The following PEX7 variants were observed in gnomAD, a reference collection of about 807,000 sequenced individuals.
PEX7 encodes the protein PTS2 receptor.
In PEX7, 34 loss-of-function variants were observed where a neutral mutation model predicts 47.5. The ratio of observed to expected loss-of-function variants is 0.72; its 90% confidence interval spans 0.54 to 0.95. The LOEUF is 0.95. Among genes scored for constraint, PEX7 ranks in the 40% least tolerant of loss-of-function variants. PEX7 has a pLI of 0.00. For synonymous variants in PEX7, 141 were observed against 148.8 expected (o/e 0.95, Z 0.38); for missense variants, 394 against 400.3 (o/e 0.98, Z 0.13).
intron 5 of PEX7, among the ~76,000 whole-genome samples, chr6:136,861,079 T>C (rs1774953955): frequency 6.6e-6 from 1 of 152,318 alleles, no homozygotes; most frequent in South Asian, 2.1e-4. Context: ...TTGGTACTTT[T>C]AAATTTTTTT....
intron 9 of PEX7, among the ~76,000 whole-genome samples, chr6:136,904,548 A>G (rs1775808993): frequency 6.6e-6 from 1 of 151,690 alleles, no homozygotes. Context: ...TTATGGGGGC[A>G]GGTCTTTCCT....
At chr6:136,876,746 C>A (rs1431521275) in intron 8 of PEX7, among the ~76,000 whole-genome samples, 1 of 152,196 alleles carries the variant, frequency 6.6e-6, no homozygotes, top group Non-Finnish European at 1.5e-5. Context: ...CATTGATGGG[C>A]ATTTGGGTTG....
chr6:136,891,412 G>A (rs567555203), intron 8 of PEX7, among the ~76,000 whole-genome samples: 2 of 152,296 alleles, frequency 1.3e-5, no homozygotes, highest in Admixed American at 1.3e-4. Flanking sequence ...TAGTGATTGA[G>A]CATTCCAAGA....
At chr6:136,881,236 G>A (rs981524015) in intron 8 of PEX7, among the ~76,000 whole-genome samples, 1 of 152,200 alleles carries the variant, frequency 6.6e-6, no homozygotes. Context: ...GGAAACCTTA[G>A]AGCATGCAAT....
intron 6 of PEX7, among the ~76,000 whole-genome samples, chr6:136,868,561 A>G (rs943558393): frequency 1.3e-5 from 2 of 151,972 alleles, no homozygotes; most frequent in Non-Finnish European, 2.9e-5. Context: ...ATGTTTGGGA[A>G]CTCTAAAGAA....
chr6:136,845,786 C>A (rs1196992604), intron 4 of PEX7, 94 bp downstream of exon 4: 2 of 842,514 alleles, frequency 2.4e-6, no homozygotes, highest in Non-Finnish European at 2.1e-6. Flanking sequence ...TTCTGTAGCT[C>A]TATGATTCGA....
chr6:136,867,719 G>A (rs963976650), intron 6 of PEX7, among the ~76,000 whole-genome samples: 1 of 151,986 alleles, frequency 6.6e-6, no homozygotes, highest in African/African-American at 2.4e-5. Context: ...AGAGGCTGCA[G>A]TGAGCCAAGA....
chr6:136,863,345 A>G (rs1774999997), intron 5 of PEX7, among the ~76,000 whole-genome samples: 1 of 152,174 alleles, frequency 6.6e-6, no homozygotes, highest in African/African-American at 2.4e-5. Flanking sequence ...GCTAGGTCCA[A>G]AAATGTTTGT....
chr6:136,849,647 A>G (rs905978639), intron 5 of PEX7, among the ~76,000 whole-genome samples: 3 of 152,134 alleles, frequency 2.0e-5, no homozygotes, highest in Non-Finnish European at 4.4e-5. Flanking sequence ...TTCAGTGTCC[A>G]TGTAGTTCTG....
At chr6:136,841,441 T>G (rs973152824) in intron 3 of PEX7, among the ~76,000 whole-genome samples, 1 of 152,204 alleles carries the variant, frequency 6.6e-6, no homozygotes, top group Non-Finnish European at 1.5e-5. Context: ...TTGAGGAAGT[T>G]TTCTGGTTAC....
At chr6:136,826,035 T>C (rs1357833017) in intron 2 of PEX7, among the ~76,000 whole-genome samples, 1 of 152,148 alleles carries the variant, frequency 6.6e-6, no homozygotes, top group Non-Finnish European at 1.5e-5. Context: ...TCATAAATTA[T>C]AAAATTTAAA....
At chr6:136,881,302 G>A (rs945924583) in intron 8 of PEX7, among the ~76,000 whole-genome samples, 3 of 152,186 alleles carry the variant, frequency 2.0e-5, no homozygotes, top group Non-Finnish European at 4.4e-5. Context: ...GGCCAGTAAT[G>A]TCAGATCCAC....
At chr6:136,842,748 G>A (rs1562733473) in intron 3 of PEX7, among the ~76,000 whole-genome samples, 1 of 152,204 alleles carries the variant, frequency 6.6e-6, no homozygotes, top group Non-Finnish European at 1.5e-5. Context: ...AATCTAGCAG[G>A]TATGTGAGTT....
chr6:136,861,248 C>CT (rs1774959042), intron 5 of PEX7, among the ~76,000 whole-genome samples: 1 of 152,042 alleles, frequency 6.6e-6, no homozygotes, highest in Admixed American at 6.6e-5. Flanking sequence ...CCAAGCCCGA[C>CT]TAATTTTTGT....
Position 136,913,641 on chromosome 6 carries a change from A to G in PEX7, c.*115A>G, listed in dbSNP as rs41288967. On this transcript the variant is annotated 3_prime_UTR_variant, in exon 10 of 10. Transcript: ENST00000318471. ...CTTTTATATGCTATTCAGATTTCAA[A>G]TCTTTCCAATTTACCCTGGAATCAG... 760 of 815,400 alleles carry G rather than the reference A, an allele frequency of 9.3e-4. 19 individuals are homozygous for G. In the South Asian group the frequency reaches 9.8e-3, roughly 10 times the overall value. 50.5% of individuals were successfully genotyped at this position (815,400 alleles called of 1,614,324 possible). A position where few individuals can be genotyped will look rare whatever the true frequency, so the allele number is the denominator to read the frequency against.
At chr6:136,859,519 A>G (rs767118045) in intron 5 of PEX7, among the ~76,000 whole-genome samples, 1 of 152,100 alleles carries the variant, frequency 6.6e-6, no homozygotes, top group Non-Finnish European at 1.5e-5. Flanking sequence ...GTTCTACTGT[A>G]AGAAAAAGTC....
intron 2 of PEX7, among the ~76,000 whole-genome samples, chr6:136,826,111 CTG>C (rs1774184900): frequency 1.3e-5 from 2 of 152,114 alleles, no homozygotes; most frequent in African/African-American, 4.8e-5. Context: ...TTCCACTGGA[CTG>C]TTTTTTTTAA....
intron 2 of PEX7, among the ~76,000 whole-genome samples, chr6:136,825,690 C>T (rs532137893): frequency 2.0e-5 from 3 of 152,216 alleles, no homozygotes; most frequent in Non-Finnish European, 4.4e-5. Flanking sequence ...CCCGCCACCA[C>T]ACCCGGCTAA....
intron 8 of PEX7, among the ~76,000 whole-genome samples, chr6:136,872,790 T>A (rs948535857): frequency 2.0e-5 from 3 of 152,182 alleles, no homozygotes; most frequent in African/African-American, 7.2e-5. Flanking sequence ...GGATTTATTT[T>A]CCCTTTCCAA....
Sources: allele counts gnomAD v4.1 joint callset (sites outside exome capture counted in the v4.1 genomes callset), GRCh38; gene constraint gnomAD v4.1.1; transcripts MANE v1.5; gene names NCBI Gene and HGNC (gene_info 2026-07-23, HGNC 2026-07-21).